The following CTNNA2 variants were observed in gnomAD, a reference collection of about 807,000 sequenced individuals.
CTNNA2 encodes the protein catenin alpha 2, also known as catenin alpha-2.
A neutral mutation model predicts 101.0 loss-of-function variants in CTNNA2; 42 were observed. The observed-to-expected ratio is 0.42, with a 90% CI of 0.32 to 0.54. The LOEUF is 0.54. Among genes scored for constraint, CTNNA2 ranks in the 20% least tolerant of loss-of-function variants. The pLI is 0.14. For missense variants in CTNNA2, 871 were observed against 1,223.1 expected (o/e 0.71, Z 4.29); for synonymous variants, 450 against 456.4 (o/e 0.99, Z 0.18).
chr2:79,647,338 T>C (rs1680891959), intron 1 of CTNNA2, among the ~76,000 whole-genome samples: 1 of 152,186 alleles, frequency 6.6e-6, no homozygotes, highest in Non-Finnish European at 1.5e-5. Flanking sequence ...ATAACAATAA[T>C]AACAAATATT....
At chr2:79,565,665 A>G (rs1371604210) in intron 1 of CTNNA2, among the ~76,000 whole-genome samples, 1 of 152,190 alleles carries the variant, frequency 6.6e-6, no homozygotes, top group Non-Finnish European at 1.5e-5. Context: ...AGTCAAGGTT[A>G]TTCTCAGGCT....
chr2:79,804,065 G>A (rs1245825758), intron 3 of CTNNA2, among the ~76,000 whole-genome samples: 1 of 152,194 alleles, frequency 6.6e-6, no homozygotes, highest in South Asian at 2.1e-4. Context: ...TAGTTCATCA[G>A]AAAGTTGTTT....
At chr2:79,874,931 C>T (rs1007278475) in intron 6 of CTNNA2, among the ~76,000 whole-genome samples, 7 of 152,182 alleles carry the variant, frequency 4.6e-5, no homozygotes, top group African/African-American at 1.4e-4. Context: ...ATTAAAGGGG[C>T]ACATGTTATG....
At chr2:79,877,244 T>C (rs184147726) in intron 6 of CTNNA2, among the ~76,000 whole-genome samples, 1 of 152,294 alleles carries the variant, frequency 6.6e-6, no homozygotes, top group East Asian at 1.9e-4. Context: ...GCTGTCTGAA[T>C]TGCAGTTTTG....
chr2:79,448,162 G>C (rs907929613), intron 4 of CTNNA2, among the ~76,000 whole-genome samples: 6 of 151,920 alleles, frequency 3.9e-5, no homozygotes, highest in Non-Finnish European at 8.8e-5. Context: ...TCTCATAACA[G>C]CTCTGATGAA....
At chr2:80,127,796 C>T (rs1291649017) in intron 7 of CTNNA2, among the ~76,000 whole-genome samples, 1 of 152,120 alleles carries the variant, frequency 6.6e-6, no homozygotes, top group Non-Finnish European at 1.5e-5. Context: ...CTCTCTGGAA[C>T]TCTGGGCTAT....
At chr2:79,966,259 A>G (rs537260407) in intron 7 of CTNNA2, among the ~76,000 whole-genome samples, 2 of 152,110 alleles carry the variant, frequency 1.3e-5, no homozygotes, top group African/African-American at 4.8e-5. Context: ...TTTGGGGGAC[A>G]GGGTCTTGCT....
Position 79,784,590 on chromosome 2 carries a change from A to ATCAG in CTNNA2, c.298+40010_298+40013dup, listed in dbSNP as rs200156619. The stretch of plus-strand genomic sequence containing the variant: ...CTGCTCTTGCCCCAGTTTTCTGTGT[A>ATCAG]TCAGTTGTAATTTCTCAGGTTGTAT... On this transcript the variant is annotated intron_variant, in intron 3 of 18. Transcript: ENST00000402739. Among the ~76,000 whole-genome samples, 212 of 151,512 alleles carry ATCAG rather than the reference A, an allele frequency of 1.4e-3. 6 individuals carry two copies. In the East Asian group the frequency reaches 0.033, roughly 23 times the overall value.
chr2:80,176,572 A>G (rs759069409), intron 7 of CTNNA2, among the ~76,000 whole-genome samples: 2 of 152,096 alleles, frequency 1.3e-5, no homozygotes, highest in Non-Finnish European at 2.9e-5. Context: ...TACCTGGTGG[A>G]GTGACACAAA....
At chr2:79,333,930 T>G (rs184416430) in intron 3 of CTNNA2, among the ~76,000 whole-genome samples, 4 of 152,126 alleles carry the variant, frequency 2.6e-5, no homozygotes, top group African/African-American at 9.7e-5. Context: ...GGTGTGGTTT[T>G]GTTGCTTTTG....
intron 4 of CTNNA2, among the ~76,000 whole-genome samples, chr2:79,400,430 A>C (rs1383427051): frequency 1.3e-5 from 2 of 152,008 alleles, no homozygotes; most frequent in Non-Finnish European, 2.9e-5. Context: ...TGCTATATAG[A>C]GAATATCAAT....
rs997439783 is a variant in CTNNA2 at position 80,343,101 on chromosome 2, T to C, written c.1057-50110T>C. Among the ~76,000 whole-genome samples, 3 of 152,196 alleles carry C rather than the reference T, an allele frequency of 2.0e-5. No individual in the cohort carries two copies. The East Asian group carries it at 5.8e-4, about 29-fold the overall frequency. ...TTACATTGGGTTAGGGCATATCTAA[T>C]GACCTCATCTTAATTTGATCATCTG... On this transcript the variant is annotated intron_variant, in intron 7 of 18. Coordinates refer to ENST00000402739, the MANE Select transcript of CTNNA2 (RefSeq NM_001282597.3).
rs144677020 is a variant in CTNNA2, at chr2:80,489,205, C to T, written c.1291-55777C>T. 3.7e-4 allele frequency among the ~76,000 whole-genome samples: 56 copies of T among 152,208 alleles called. 2 individuals carry two copies. The highest frequency in any genetic ancestry group is 1.9e-4 in the East Asian group (1 of 5,174). ...CTGCAGGTCTTTTTCATACATTTCC[C>T]GTAGAAATCTTTTAAATCATGTTCA... On this transcript the variant is annotated intron_variant, in intron 9 of 18. Coordinates refer to ENST00000402739, the MANE Select transcript of CTNNA2 (RefSeq NM_001282597.3).
intron 7 of CTNNA2, among the ~76,000 whole-genome samples, chr2:80,322,152 A>G (rs879605933): frequency 1.3e-5 from 2 of 152,176 alleles, no homozygotes; most frequent in Non-Finnish European, 2.9e-5. Context: ...GAGCAAATTA[A>G]TTACCATCTG....
chr2:79,426,829 C>T (rs996845939), intron 4 of CTNNA2, among the ~76,000 whole-genome samples: 5 of 152,004 alleles, frequency 3.3e-5, no homozygotes, highest in Non-Finnish European at 7.4e-5. Flanking sequence ...TGCTATCTAC[C>T]AGGCACTGTT....
chr2:79,876,724 G>C (rs1434112), intron 6 of CTNNA2, among the ~76,000 whole-genome samples: 66,219 of 151,912 alleles, frequency 0.44, 14,877 homozygotes, highest in East Asian at 0.66. Flanking sequence ...CGATGCGTCA[G>C]TGCAACAGTG....
chr2:79,242,560 G>A (rs1489546358), intron 2 of CTNNA2, among the ~76,000 whole-genome samples: 1 of 152,104 alleles, frequency 6.6e-6, no homozygotes, highest in African/African-American at 2.4e-5. Flanking sequence ...TTGCAAACAA[G>A]TCATTCTTCT....
chr2:79,665,882 T>C (rs544307312), intron 2 of CTNNA2, among the ~76,000 whole-genome samples: 1 of 152,326 alleles, frequency 6.6e-6, no homozygotes, highest in East Asian at 1.9e-4. Context: ...ATGATGTTAT[T>C]ACCAAATGTA....
chr2:79,780,032 A>G (rs2105193829), intron 3 of CTNNA2, among the ~76,000 whole-genome samples: 1 of 152,288 alleles, frequency 6.6e-6, no homozygotes, highest in South Asian at 2.1e-4. Flanking sequence ...CATCTGCATC[A>G]TAAAACTTTG....
Sources: gnomAD v4.1 joint callset for allele counts (sites outside exome capture counted in the v4.1 genomes callset) on GRCh38, gnomAD v4.1.1 for gene constraint, MANE v1.5 for transcripts, NCBI Gene and HGNC (gene_info 2026-07-23, HGNC 2026-07-21) for gene names.